Variants in STXBP5L observed in about 807,000 individuals in gnomAD.
The protein encoded by STXBP5L is syntaxin-binding protein 5-like.
STXBP5L carries 65 observed loss-of-function variants against 144.5 expected under a neutral mutation model. That is an observed-to-expected ratio of 0.45 (90% CI 0.37 to 0.55). The LOEUF (loss-of-function observed/expected upper bound fraction) is 0.55. Among genes scored for constraint, STXBP5L ranks in the 20% least tolerant of loss-of-function variants. The pLI is 0.00. For synonymous variants in STXBP5L, 505 were observed against 469.6 expected (o/e 1.08, Z -0.97); for missense variants, 1,298 against 1,405.5 (o/e 0.92, Z 1.22).
chr3:121,313,827 C>T (rs1156247181), intron 19 of STXBP5L, among the ~76,000 whole-genome samples: 17 of 144,654 alleles, frequency 1.2e-4, no homozygotes, highest in Non-Finnish European at 2.6e-4. Flanking sequence ...GGAGGGGCTC[C>T]TCACTTCTCA....
chr3:121,348,231 T>C (rs927741068), intron 20 of STXBP5L, among the ~76,000 whole-genome samples: 1 of 152,188 alleles, frequency 6.6e-6, no homozygotes, highest in African/African-American at 2.4e-5. Flanking sequence ...GTTTTTGTCG[T>C]TGGTTCTGTT....
intron 2 of STXBP5L, among the ~76,000 whole-genome samples, chr3:120,937,238 G>A (rs1430035839): frequency 6.6e-6 from 1 of 152,152 alleles, no homozygotes; most frequent in Non-Finnish European, 1.5e-5. Context: ...AGAACAGAAT[G>A]CTCTGAGTAT....
At chr3:121,399,781 G>A (rs566020670) in intron 22 of STXBP5L, among the ~76,000 whole-genome samples, 6 of 152,306 alleles carry the variant, frequency 3.9e-5, no homozygotes, top group African/African-American at 1.2e-4. Flanking sequence ...TGGGCGTTAC[G>A]GCCATCATGA....
intron 22 of STXBP5L, among the ~76,000 whole-genome samples, chr3:121,403,284 G>T (rs1272650744): frequency 6.6e-6 from 1 of 152,156 alleles, no homozygotes; most frequent in Non-Finnish European, 1.5e-5. Flanking sequence ...AGGGAGAGCA[G>T]TGAAGAGGTT....
intron 10 of STXBP5L, among the ~76,000 whole-genome samples, chr3:121,210,968 A>G (rs1203545464): frequency 6.6e-6 from 1 of 152,158 alleles, no homozygotes; most frequent in Non-Finnish European, 1.5e-5. Flanking sequence ...TTCTGTGAAG[A>G]AAGTCATTGG....
chr3:121,105,896 A>G (rs1284709628), intron 5 of STXBP5L, among the ~76,000 whole-genome samples: 2 of 152,166 alleles, frequency 1.3e-5, no homozygotes, highest in Non-Finnish European at 2.9e-5. Context: ...AAAGAGCCAT[A>G]AGTGTGAAAA....
At chr3:121,318,919 A>G (rs943252917) in intron 20 of STXBP5L, among the ~76,000 whole-genome samples, 5 of 152,198 alleles carry the variant, frequency 3.3e-5, no homozygotes, top group Non-Finnish European at 5.9e-5. Flanking sequence ...GCAGAAGCAA[A>G]TGATACCATT....
intron 10 of STXBP5L, among the ~76,000 whole-genome samples, chr3:121,218,305 G>GTA (rs1171074797): frequency 7.4e-6 from 1 of 135,038 alleles, no homozygotes; most frequent in Non-Finnish European, 1.5e-5. Context: ...GTATAATATA[G>GTA]TATATATATT....
chr3:121,341,542 G>GGAAGA (rs766413109), intron 20 of STXBP5L, among the ~76,000 whole-genome samples: 116 of 152,184 alleles, frequency 7.6e-4, no homozygotes, highest in Non-Finnish European at 1.5e-3. Context: ...AAGGAAATTT[G>GGAAGA]TATATGGAAG....
intron 20 of STXBP5L, among the ~76,000 whole-genome samples, chr3:121,375,858 T>G (rs1419396481): frequency 6.6e-6 from 1 of 152,204 alleles, no homozygotes; most frequent in African/African-American, 2.4e-5. Flanking sequence ...CACTCTATCT[T>G]CATTTGTATG....
intron 3 of STXBP5L, among the ~76,000 whole-genome samples, chr3:120,996,093 A>G (rs879568195): frequency 1.3e-4 from 20 of 152,162 alleles, no homozygotes; most frequent in Admixed American, 7.2e-4. Flanking sequence ...TGGCCTCTAT[A>G]GTTTCAGAAG....
At chr3:121,354,328 A>G (rs982294255) in intron 20 of STXBP5L, among the ~76,000 whole-genome samples, 8 of 152,208 alleles carry the variant, frequency 5.3e-5, no homozygotes, top group South Asian at 4.2e-4. Context: ...GTCTCTTTGT[A>G]TATCTCTAAG....
At position 121,418,318 on chromosome 3, in the gene STXBP5L, C is replaced by T; in HGVS notation, c.3227-19C>T. ...ATTACTGACAAAATGTTTTAAATTGCTATTGCATATATTCTCAGTTGGGGA... is the reference window on the plus strand; with the variant it reads ...ATTACTGACAAAATGTTTTAAATTGTTATTGCATATATTCTCAGTTGGGGA... On this transcript the variant is annotated intron_variant, in intron 25 of 26. Transcript: ENST00000471454. 3.1e-6 allele frequency: 5 copies of T among 1,605,402 alleles called. No individual in the cohort carries two copies. Among genetic ancestry groups the T allele is most frequent in the Non-Finnish European group, 4.3e-6 (5 of 1,175,076 alleles).
chr3:121,196,466 G>A (rs558549543), intron 9 of STXBP5L, among the ~76,000 whole-genome samples: 5 of 152,074 alleles, frequency 3.3e-5, no homozygotes, highest in African/African-American at 9.6e-5. Flanking sequence ...CCATAAAAAC[G>A]GAGGTCTTTC....
chr3:121,297,202 A>ATGTGTGTG lies in STXBP5L; in HGVS notation c.2110+17277_2110+17284dup, dbSNP rs71133526. Among the ~76,000 whole-genome samples, 1,152 of 148,328 alleles carry ATGTGTGTG rather than the reference A, an allele frequency of 7.8e-3. 10 individuals are homozygous for ATGTGTGTG. Among genetic ancestry groups the ATGTGTGTG allele is most frequent in the Middle Eastern group, 0.024 (7 of 288 alleles). ...CAGAATCTGAATGATTCTACATTAT[A>ATGTGTGTG]TGTGTGTGTGTGTGTGTGTGTGTGT... On this transcript the variant is annotated intron_variant, in intron 19 of 26. Transcript: ENST00000471454.
chr3:121,239,706 T>G (rs2049601948), intron 13 of STXBP5L, among the ~76,000 whole-genome samples: 1 of 90,100 alleles, frequency 1.1e-5, no homozygotes, highest in East Asian at 3.6e-4. Context: ...TGGGGACTGT[T>G]GTGGGGTGGG....
chr3:121,071,274 ATGTT>A (rs902469028), intron 5 of STXBP5L, among the ~76,000 whole-genome samples: 32 of 152,254 alleles, frequency 2.1e-4, no homozygotes, highest in Non-Finnish European at 4.1e-4. Flanking sequence ...ACATATAACT[ATGTT>A]TGTACATTTA....
intron 5 of STXBP5L, among the ~76,000 whole-genome samples, chr3:121,108,339 G>C (rs567139298): frequency 6.6e-6 from 1 of 152,238 alleles, no homozygotes; most frequent in East Asian, 1.9e-4. Flanking sequence ...GTATGATATT[G>C]GCTGTGGGTT....
chr3:120,952,224 A>G (rs1262575661), intron 2 of STXBP5L, among the ~76,000 whole-genome samples: 1 of 152,050 alleles, frequency 6.6e-6, no homozygotes, highest in Non-Finnish European at 1.5e-5. Flanking sequence ...ATTTTTGCAA[A>G]AAAGCCAGCT....
Sources: gnomAD v4.1 joint callset for allele counts (sites outside exome capture counted in the v4.1 genomes callset) on GRCh38, gnomAD v4.1.1 for gene constraint, MANE v1.5 for transcripts, NCBI Gene and HGNC (gene_info 2026-07-23, HGNC 2026-07-21) for gene names.